The following PELP1 variants were observed in gnomAD, a reference collection of about 807,000 sequenced individuals.
PELP1 encodes proline-, glutamic acid- and leucine-rich protein 1.
PELP1 carries 32 observed loss-of-function variants against 95.5 expected under a neutral mutation model. The observed-to-expected ratio is 0.34, with a 90% CI of 0.25 to 0.45. The LOEUF is 0.45. PELP1 is among the 20% of genes least tolerant of loss of function. The pLI is 1.00. For missense variants in PELP1, 1,358 were observed against 1,444.8 expected (o/e 0.94, Z 0.97); for synonymous variants, 668 against 600.1 (o/e 1.11, Z -1.65).
In PELP1 at chr17:4,683,526, C is replaced by CTTTT. The variant is rs1912791598; in HGVS notation, c.421-578_421-575dup. Among the ~76,000 whole-genome samples the CTTTT allele has an allele frequency of 4.5e-5, 4 of 88,624 alleles. 1 individual carries two copies. Among genetic ancestry groups the CTTTT allele is most frequent in the African/African-American group, 1.4e-4 (3 of 20,728 alleles). The allele number at this position is 88,624 out of a possible 152,430, so 58.1% of individuals were successfully genotyped here. On this transcript the variant is annotated intron_variant, in intron 3 of 16. Transcript: ENST00000572293. ...GAGCCATCACGCCCAGCTGAGTTTT[C>CTTTT]TTTTCTTTTTTTTTTTTTTTTTGAG...
intron 1 of PELP1, among the ~76,000 whole-genome samples, chr17:4,700,205 G>A (rs1177055874): frequency 2.0e-5 from 3 of 152,176 alleles, no homozygotes; most frequent in East Asian, 3.9e-4. Flanking sequence ...ACGCCTGGCC[G>A]AGGATGAAGT....
intron 3 of PELP1, among the ~76,000 whole-genome samples, chr17:4,684,887 G>A (rs1301554367): frequency 6.6e-6 from 1 of 152,114 alleles, no homozygotes; most frequent in East Asian, 1.9e-4. Context: ...TTTTAGTAGA[G>A]ATGGGGTTTC....
Position 4,674,461 on chromosome 17 carries a change from A to G in PELP1, c.1582+49T>C, listed in dbSNP as rs113904872. On this transcript the variant is annotated intron_variant, in intron 13 of 16. Coordinates refer to ENST00000572293, the MANE Select transcript of PELP1 (RefSeq NM_014389.3). ...TAGGGGAGTCCCACTAGGGGAAAGGATGGGGTCCCGTTTGAGCCCCAGTGG... is the reference window on the plus strand; with the variant it reads ...TAGGGGAGTCCCACTAGGGGAAAGGGTGGGGTCCCGTTTGAGCCCCAGTGG... 53 of 1,563,054 alleles carry G rather than the reference A, an allele frequency of 3.4e-5. 2 individuals are homozygous for G. The highest frequency in any genetic ancestry group is 2.7e-4 in the African/African-American group (20 of 72,898).
At chr17:4,684,804 G>A (rs138561792) in intron 3 of PELP1, among the ~76,000 whole-genome samples, 1 of 152,138 alleles carries the variant, frequency 6.6e-6, no homozygotes, top group Non-Finnish European at 1.5e-5. Context: ...TGGTTCAAGC[G>A]ATTCTCCTGC....
At position 4,703,938 on chromosome 17, in the gene PELP1, G is replaced by C. The variant is rs1426896855; in HGVS notation, c.174C>G (p.Pro58=). Residue 58 remains proline (P), a synonymous_variant, in exon 1 of 17, where the codon CCC becomes CCG. Transcript: ENST00000572293. ...GCAAATGTGGGGCCGAGCGGTTTGG[G>C]GGATGCACCGGAGCAACGGCAGACC... is the stretch of plus-strand genomic sequence containing the variant. The part of the protein sequence containing the change: ...RTGSAVAPVH[P]PNRSAPHLPG... The C allele has an allele frequency of 6.2e-7, 1 of 1,613,478 alleles. No individual in the cohort carries two copies. Among genetic ancestry groups the C allele is most frequent in the Non-Finnish European group, 8.5e-7 (1 of 1,179,758 alleles).
chr17:4,688,138 C>A (rs1912970734), intron 3 of PELP1, among the ~76,000 whole-genome samples: 1 of 152,112 alleles, frequency 6.6e-6, no homozygotes, highest in African/African-American at 2.4e-5. Context: ...AGTTTGAGAC[C>A]AGCCTGGCCA....
intron 3 of PELP1, among the ~76,000 whole-genome samples, chr17:4,690,279 T>C (rs1354237523): frequency 1.3e-5 from 2 of 151,992 alleles, no homozygotes; most frequent in East Asian, 3.9e-4. Context: ...CGGGCGGAAA[T>C]GTGGGAGATG....
intron 3 of PELP1, 58 bp from the exon 4 acceptor site, chr17:4,683,010 C>G: frequency 1.4e-6 from 2 of 1,406,442 alleles, no homozygotes; most frequent in Non-Finnish European, 1.9e-6. Flanking sequence ...CACCAAAGAG[C>G]AGCAGGAGAA....
chr17:4,686,663 G>T (rs1263439996), intron 3 of PELP1, among the ~76,000 whole-genome samples: 3 of 152,086 alleles, frequency 2.0e-5, no homozygotes, highest in Non-Finnish European at 2.9e-5. Context: ...GATTACAGGT[G>T]CCTGCCACCA....
intron 3 of PELP1, among the ~76,000 whole-genome samples, chr17:4,690,073 A>C (rs148005676): frequency 0.012 from 1,754 of 152,176 alleles, 37 homozygotes; most frequent in African/African-American, 0.039. Flanking sequence ...GTGTATATAT[A>C]CCATGGAATA....
Position 4,691,365 on chromosome 17 carries a change from G to A in PELP1, c.314+13C>T. 3 of 1,605,616 alleles carry A rather than the reference G, an allele frequency of 1.9e-6. No homozygotes were observed. The highest frequency in any genetic ancestry group is 1.3e-5 in the African/African-American group (1 of 74,830). ...AACACGCCCCTGGAGAAAAAAAAGG[G>A]CCAAAGACTTACCGAGTTTTGATGG... On this transcript the variant is annotated intron_variant, in intron 2 of 16. Coordinates refer to ENST00000572293, the MANE Select transcript of PELP1 (RefSeq NM_014389.3).
chr17:4,673,433 G>T lies in PELP1; in HGVS notation c.1662C>A (p.Pro554=), dbSNP rs773668854. ...CACCCTGCTGTACACCCATGACCAGGGGGAGGACCAGGTCATGCAGTCTCT... is the reference window on the plus strand; with the variant it reads ...CACCCTGCTGTACACCCATGACCAGTGGGAGGACCAGGTCATGCAGTCTCT... The part of the protein sequence containing the change: ...THRRLHDLVL[P]LVMGVQQGEV... The change falls in exon 15 of 17, where the codon CCC becomes CCA. Residue 554 remains proline (P), a synonymous_variant. Coordinates refer to ENST00000572293, the MANE Select transcript of PELP1 (RefSeq NM_014389.3). The surrounding 1 kb of genome is among the most constrained non-coding windows in gnomAD (Gnocchi z 5.7). 2.5e-6 allele frequency: 4 copies of T among 1,593,626 alleles called. No individual in the cohort carries two copies. In the South Asian group the frequency reaches 4.5e-5, roughly 18 times the overall value.
At chr17:4,693,253 A>G (rs1424187938) in intron 1 of PELP1, among the ~76,000 whole-genome samples, 1 of 152,202 alleles carries the variant, frequency 6.6e-6, no homozygotes, top group Non-Finnish European at 1.5e-5. Context: ...TCACAGCAGC[A>G]TCATTCATAA....
Position 4,673,555 on chromosome 17 carries a change from C to G in PELP1, c.1638+64G>C. ...GGAATGGACCCACCTCTGGGCCACACCCCCCAATGTGTACAGAGCAGGGGC... is the reference window on the plus strand; with the variant it reads ...GGAATGGACCCACCTCTGGGCCACAGCCCCCAATGTGTACAGAGCAGGGGC... On this transcript the variant is annotated intron_variant, in intron 14 of 16. Coordinates refer to ENST00000572293, the MANE Select transcript of PELP1 (RefSeq NM_014389.3). This position sits in a 1 kb window ranked among gnomAD's most constrained non-coding sequence, Gnocchi z 5.7. 1 of 1,566,476 alleles carries G rather than the reference C, an allele frequency of 6.4e-7. No individual in the cohort carries two copies. Among genetic ancestry groups the G allele is most frequent in the Non-Finnish European group, 8.8e-7 (1 of 1,137,108 alleles).
chr17:4,701,106 A>G (rs1481397756), intron 1 of PELP1, among the ~76,000 whole-genome samples: 2 of 151,768 alleles, frequency 1.3e-5, no homozygotes, highest in Non-Finnish European at 2.9e-5. Context: ...TGGGGAAAAT[A>G]CTATTTATGT....
intron 1 of PELP1, among the ~76,000 whole-genome samples, chr17:4,697,128 G>T (rs1037412852): frequency 2.0e-5 from 3 of 152,188 alleles, no homozygotes; most frequent in Non-Finnish European, 4.4e-5. Context: ...GGCCTGGGTT[G>T]TAGGCACTCA....
intron 1 of PELP1, among the ~76,000 whole-genome samples, chr17:4,694,009 T>G (rs1350862695): frequency 6.6e-6 from 1 of 152,074 alleles, no homozygotes; most frequent in Admixed American, 6.6e-5. Context: ...GAATCCAGCC[T>G]AGGCAACACA....
At position 4,675,941 on chromosome 17, in the gene PELP1, C is replaced by A; in HGVS notation, c.981-57G>T. ...AGCAGGCTCCCTGGCATAACTCCCA[C>A]ACCCACCTTCATCTCCTTTCTCCTG... On this transcript the variant is annotated intron_variant, in intron 8 of 16. Coordinates refer to ENST00000572293, the MANE Select transcript of PELP1 (RefSeq NM_014389.3). The surrounding 1 kb of genome is among the most constrained non-coding windows in gnomAD (Gnocchi z 4.3). 2 of 1,587,198 alleles carry A rather than the reference C, an allele frequency of 1.3e-6. No individual in the cohort carries two copies. Among genetic ancestry groups the A allele is most frequent in the Non-Finnish European group, 1.7e-6 (2 of 1,162,870 alleles).
chr17:4,675,451 T>C lies in PELP1; in HGVS notation c.1069-89A>G, dbSNP rs533485576. On this transcript the variant is annotated intron_variant, in intron 9 of 16. Coordinates refer to ENST00000572293, the MANE Select transcript of PELP1 (RefSeq NM_014389.3). The surrounding 1 kb of genome is among the most constrained non-coding windows in gnomAD (Gnocchi z 4.3). ...AACAGGGAATGACCATTTACATATG[T>C]ACACATAGGTAAGAAACCCAACCCC... The C allele has an allele frequency of 3.5e-6, 3 of 856,962 alleles. No individual in the cohort carries two copies. Among genetic ancestry groups the C allele is most frequent in the Admixed American group, 2.0e-5 (1 of 50,176 alleles). 53.1% of individuals were successfully genotyped at this position (856,962 alleles called of 1,614,324 possible). A position where few individuals can be genotyped will look rare whatever the true frequency, so the allele number is the denominator to read the frequency against.
Sources: gnomAD v4.1 joint callset for allele counts (sites outside exome capture counted in the v4.1 genomes callset) on GRCh38, gnomAD v4.1.1 for gene constraint, Gnocchi (gnomAD v3.1) non-coding constraint, MANE v1.5 for transcripts, NCBI Gene and HGNC (gene_info 2026-07-23, HGNC 2026-07-21) for gene names.